PPP1R16B: variants seen among roughly 807,000 people sequenced by gnomAD.
The protein encoded by PPP1R16B is protein phosphatase 1 regulatory inhibitor subunit 16B.
In PPP1R16B, 14 loss-of-function variants were observed where a neutral mutation model predicts 61.7. That is an observed-to-expected ratio of 0.23 (90% CI 0.15 to 0.35). PPP1R16B has a LOEUF of 0.35. Among genes scored for constraint, PPP1R16B ranks in the 10% least tolerant of loss-of-function variants. The probability of loss-of-function intolerance (pLI) is 1.00; values close to 1 mark genes in which losing one functional copy is unlikely to be tolerated. For missense variants in PPP1R16B, 547 were observed against 752.5 expected (o/e 0.73, Z 3.19); for synonymous variants, 266 against 305.3 (o/e 0.87, Z 1.34).
intron 4 of PPP1R16B, among the ~76,000 whole-genome samples, chr20:38,898,849 A>G (rs2085369790): frequency 6.6e-6 from 1 of 152,104 alleles, no homozygotes; most frequent in African/African-American, 2.4e-5. Flanking sequence ...AACAACAATC[A>G]TTGTGATTCT....
intron 2 of PPP1R16B, among the ~76,000 whole-genome samples, chr20:38,855,874 C>T (rs1329516803): frequency 7.3e-6 from 1 of 137,592 alleles, no homozygotes; most frequent in Non-Finnish European, 1.5e-5. Flanking sequence ...CTGTAAATAC[C>T]AGCTGCTTGG....
intron 3 of PPP1R16B, among the ~76,000 whole-genome samples, chr20:38,894,366 T>C (rs1374580623): frequency 1.3e-5 from 2 of 152,152 alleles, no homozygotes; most frequent in Non-Finnish European, 2.9e-5. Flanking sequence ...TCTCTATCCC[T>C]GTGGTCGTTT....
intron 2 of PPP1R16B, among the ~76,000 whole-genome samples, chr20:38,838,841 G>A (rs2084890182): frequency 6.6e-6 from 1 of 152,224 alleles, no homozygotes; most frequent in South Asian, 2.1e-4. Flanking sequence ...AGGAGCACTG[G>A]GCTGGGAGTG....
Position 38,918,015 on chromosome 20 carries a change from A to G in PPP1R16B, c.1195-142A>G. The G allele has an allele frequency of 8.4e-7, 1 of 1,186,930 alleles. No homozygotes were observed. The highest frequency in any genetic ancestry group is 1.2e-6 in the Non-Finnish European group (1 of 846,218). 73.5% of individuals were successfully genotyped at this position (1,186,930 alleles called of 1,614,324 possible). On this transcript the variant is annotated intron_variant, in intron 10 of 10. Transcript: ENST00000299824. This position sits in a 1 kb window ranked among gnomAD's most constrained non-coding sequence, Gnocchi z 5.3. ...AAATTCATAGATTGGGGGTTCCCCA[A>G]AGGAAAACCCTGGCCCCGATACCCA...
rs553074218 is a variant in PPP1R16B, at chr20:38,847,409, T to A, written c.250+11234T>A. ...GTCTCACTCTGTCCCCAGGCTGGAG[T>A]GCAGTGGCACAATCTTGGCTCACTG... On this transcript the variant is annotated intron_variant, in intron 2 of 10. Coordinates refer to ENST00000299824, the MANE Select transcript of PPP1R16B (RefSeq NM_015568.4). 2.0e-5 allele frequency among the ~76,000 whole-genome samples: 3 copies of A among 152,296 alleles called. No homozygotes were observed. In the South Asian group the frequency reaches 6.2e-4, roughly 32 times the overall value.
intron 2 of PPP1R16B, among the ~76,000 whole-genome samples, chr20:38,854,584 A>C (rs2084991424): frequency 6.6e-6 from 1 of 152,248 alleles, no homozygotes; most frequent in Non-Finnish European, 1.5e-5. Context: ...GCAGAGATGC[A>C]GTGGACCTTG....
chr20:38,879,402 C>G (rs1371410912), intron 2 of PPP1R16B, among the ~76,000 whole-genome samples: 3 of 152,120 alleles, frequency 2.0e-5, no homozygotes, highest in Non-Finnish European at 4.4e-5. Context: ...AAATCGAATA[C>G]ACAAATGTCC....
chr20:38,812,978 G>C (rs944492626), intron 1 of PPP1R16B, among the ~76,000 whole-genome samples: 1 of 152,094 alleles, frequency 6.6e-6, no homozygotes, highest in African/African-American at 2.4e-5. Context: ...AAGCTCCCAG[G>C]GGGTGTCAAG....
intron 2 of PPP1R16B, among the ~76,000 whole-genome samples, chr20:38,840,971 G>A (rs145044729): frequency 1.3e-5 from 2 of 152,192 alleles, no homozygotes; most frequent in Non-Finnish European, 2.9e-5. Flanking sequence ...CTACATTTAC[G>A]TAATCTATTA....
chr20:38,861,459 C>A (rs1315757844), intron 2 of PPP1R16B, among the ~76,000 whole-genome samples: 1 of 152,164 alleles, frequency 6.6e-6, no homozygotes, highest in Non-Finnish European at 1.5e-5. Context: ...GTGATGGCTC[C>A]ACCTGGGGGG....
In PPP1R16B at chr20:38,922,074, C is replaced by G. The variant is rs923089829; in HGVS notation, c.*3408C>G. The G allele has an allele frequency of 3.3e-4, 50 of 152,388 alleles. No homozygotes were observed. Among genetic ancestry groups the G allele is most frequent in the African/African-American group, 1.2e-3 (49 of 41,588 alleles). 9.4% of individuals were successfully genotyped at this position (152,388 alleles called of 1,614,324 possible). ...CTGAAAGTTGGCGGTTATCACCAGA[C>G]TGTGAGTTTCTGGCAAGTAGCTTGG... On this transcript the variant is annotated 3_prime_UTR_variant, in exon 11 of 11. Coordinates refer to ENST00000299824, the MANE Select transcript of PPP1R16B (RefSeq NM_015568.4).
At chr20:38,827,740 A>T (rs2084813228) in intron 1 of PPP1R16B, among the ~76,000 whole-genome samples, 1 of 152,178 alleles carries the variant, frequency 6.6e-6, no homozygotes, top group Non-Finnish European at 1.5e-5. Flanking sequence ...TATTTGGAGC[A>T]CCAAGGGCCC....
chr20:38,922,673 A>G lies in PPP1R16B; in HGVS notation c.*4007A>G, dbSNP rs1601325784. 6.5e-6 allele frequency: 1 copy of G among 152,688 alleles called. No individual in the cohort carries two copies. The highest frequency in any genetic ancestry group is 2.4e-5 in the African/African-American group (1 of 41,472). The allele number at this position is 152,688 out of a possible 1,614,324, so 9.5% of individuals were successfully genotyped here. A position where few individuals can be genotyped will look rare whatever the true frequency, so the allele number is the denominator to read the frequency against. On this transcript the variant is annotated 3_prime_UTR_variant, in exon 11 of 11. Transcript: ENST00000299824. ...CCAGCCCTCCGCAATAATTCACCAG[A>G]CCAGAAGCCACTGGTGTACAGAGAA...
At position 38,906,114 on chromosome 20, in the gene PPP1R16B, C is replaced by T; in HGVS notation, c.822+20C>T. 3 of 1,608,744 alleles carry T rather than the reference C, an allele frequency of 1.9e-6. No homozygotes were observed. Among genetic ancestry groups the T allele is most frequent in the East Asian group, 2.2e-5 (1 of 44,832 alleles). The stretch of plus-strand genomic sequence containing the variant: ...GGACAGGTAGTTCTCACCCACAGGG[C>T]TGTGGGGGAGGCCGGCACAGGGCTA... On this transcript the variant is annotated intron_variant, in intron 7 of 10. Coordinates refer to ENST00000299824, the MANE Select transcript of PPP1R16B (RefSeq NM_015568.4).
chr20:38,830,270 C>T (rs145360883), intron 1 of PPP1R16B, among the ~76,000 whole-genome samples: 9 of 152,330 alleles, frequency 5.9e-5, no homozygotes, highest in African/African-American at 2.2e-4. Flanking sequence ...TGAGCACAGG[C>T]CTGGCATGTG....
At chr20:38,896,179 T>TACCTGCCTACCTCCCTCTC (rs1228218885) in intron 4 of PPP1R16B, among the ~76,000 whole-genome samples, 1 of 83,116 alleles carries the variant, frequency 1.2e-5, no homozygotes, top group African/African-American at 6.1e-5. Flanking sequence ...TCCTTCTTTC[T>TACCTGCCTACCTCCCTCTC]TCCCTCCCTT....
intron 1 of PPP1R16B, among the ~76,000 whole-genome samples, chr20:38,826,937 TA>T (rs2084808853): frequency 1.3e-5 from 2 of 152,226 alleles, no homozygotes; most frequent in African/African-American, 2.4e-5. Context: ...TTCATGTATT[TA>T]TTTTTTAAAT....
intron 4 of PPP1R16B, among the ~76,000 whole-genome samples, chr20:38,898,084 T>C (rs1038264337): frequency 2.0e-5 from 3 of 152,346 alleles, no homozygotes; most frequent in Non-Finnish European, 2.9e-5. Flanking sequence ...GGAGGTTTTG[T>C]TCTATGTTTT....
intron 6 of PPP1R16B, among the ~76,000 whole-genome samples, chr20:38,903,559 ATCCATCCGTCCG>A (rs1291906223): frequency 5.6e-5 from 7 of 124,172 alleles, no homozygotes; most frequent in Non-Finnish European, 1.2e-4. Context: ...CCATCCATCC[ATCCATCCGTCCG>A]TCCGTCCGTC....
Sources: gnomAD v4.1 joint callset for allele counts (sites outside exome capture counted in the v4.1 genomes callset) on GRCh38, gnomAD v4.1.1 for gene constraint, Gnocchi (gnomAD v3.1) non-coding constraint, MANE v1.5 for transcripts, NCBI Gene and HGNC (gene_info 2026-07-23, HGNC 2026-07-21) for gene names.